Variants in IL1RAPL2 observed in about 807,000 individuals in gnomAD.
IL1RAPL2 encodes the protein interleukin 1 receptor accessory protein like 2.
A neutral mutation model predicts 44.1 loss-of-function variants in IL1RAPL2; 3 were observed. The observed-to-expected ratio is 0.07, with a 90% CI of 0.03 to 0.18. The LOEUF (loss-of-function observed/expected upper bound fraction) is 0.18. IL1RAPL2 is among the 10% of genes least tolerant of loss of function. The pLI is 1.00. For missense variants in IL1RAPL2, 391 were observed against 496.4 expected (o/e 0.79, Z 2.02); for synonymous variants, 181 against 178.8 (o/e 1.01, Z -0.10).
intron 1 of IL1RAPL2, among the ~76,000 whole-genome samples, chrX:104,576,943 T>C (rs1207794526): frequency 1.8e-5 from 2 of 111,992 alleles, no homozygotes; most frequent in Non-Finnish European, 3.8e-5. Context: ...ACCTTTTACA[T>C]GTACATATTC....
At chrX:104,940,419 C>A (rs999104490) in intron 2 of IL1RAPL2, among the ~76,000 whole-genome samples, 2 of 111,626 alleles carry the variant, frequency 1.8e-5, no homozygotes, top group Non-Finnish European at 3.8e-5. Context: ...TACCAGCATA[C>A]TTTCAAAAAG....
intron 2 of IL1RAPL2, among the ~76,000 whole-genome samples, chrX:105,094,736 T>G (rs2032585109): frequency 9.0e-6 from 1 of 111,698 alleles, no homozygotes; most frequent in Admixed American, 9.5e-5. Context: ...AGTTGGAATT[T>G]TGATAGGGAT....
At chrX:105,063,586 A>C (rs1320453325) in intron 2 of IL1RAPL2, among the ~76,000 whole-genome samples, 1 of 112,091 alleles carries the variant, frequency 8.9e-6, no homozygotes, top group African/African-American at 3.2e-5. Context: ...ACTGTCTTCT[A>C]TCCTTGTCAA....
intron 1 of IL1RAPL2, among the ~76,000 whole-genome samples, chrX:104,591,086 T>C (rs1928655407): frequency 1.8e-5 from 2 of 111,960 alleles, no homozygotes; most frequent in African/African-American, 6.5e-5. Flanking sequence ...CTTCAGGCTA[T>C]GGGGGCAAGT....
At chrX:105,432,129 C>CTTTTTTTTTTTTTT (rs386417369) in intron 5 of IL1RAPL2, among the ~76,000 whole-genome samples, 14 of 44,837 alleles carry the variant, frequency 3.1e-4, no homozygotes, top group Non-Finnish European at 4.0e-4. Flanking sequence ...TTCAATTTGC[C>CTTTTTTTTTTTTTT]TTTTTTTTTT....
chrX:105,762,633 G>T (rs1410980123), intron 10 of IL1RAPL2, among the ~76,000 whole-genome samples: 3 of 111,995 alleles, frequency 2.7e-5, no homozygotes, highest in African/African-American at 6.5e-5. Context: ...TGGTTTCGCA[G>T]ACTGGTCTAG....
intron 2 of IL1RAPL2, among the ~76,000 whole-genome samples, chrX:104,773,138 G>A (rs1259202013): frequency 9.0e-6 from 1 of 111,184 alleles, no homozygotes; most frequent in Admixed American, 9.6e-5. Context: ...TGAACTCTTG[G>A]GCTCAAGTAG....
At chrX:104,911,793 G>A (rs1924246433) in intron 2 of IL1RAPL2, among the ~76,000 whole-genome samples, 1 of 111,888 alleles carries the variant, frequency 8.9e-6, no homozygotes, top group Admixed American at 9.5e-5. Context: ...TCACTGCACT[G>A]TAGACATACT....
At chrX:105,605,580 C>A (rs2037287186) in intron 6 of IL1RAPL2, among the ~76,000 whole-genome samples, 1 of 111,557 alleles carries the variant, frequency 9.0e-6, no homozygotes, top group African/African-American at 3.2e-5. Context: ...AAGTTCTTCA[C>A]AGAAATATTT....
In IL1RAPL2 at chrX:104,855,681, G is replaced by GTTTTTTTTTTTTTTTTTTT. The variant is rs1556002120; in HGVS notation, c.82+196703_82+196704insTTTTTTTTTTTTTTTTTTT. Reference sequence around the variant, plus strand: ...TTAACTGTGCTAAGGATCTGGATCCGTTTTTTTTTTTTTTTTTACTGTATC... The same window carrying GTTTTTTTTTTTTTTTTTTT: ...TTAACTGTGCTAAGGATCTGGATCCGTTTTTTTTTTTTTTTTTTTTTTTTTTTTTTTTTTTTACTGTATC... On this transcript the variant is annotated intron_variant, in intron 2 of 10. Transcript: ENST00000372582. Among the ~76,000 whole-genome samples, 336 of 53,791 alleles carry GTTTTTTTTTTTTTTTTTTT rather than the reference G, an allele frequency of 6.2e-3. 34 individuals are homozygous for GTTTTTTTTTTTTTTTTTTT. Among genetic ancestry groups the GTTTTTTTTTTTTTTTTTTT allele is most frequent in the African/African-American group, 0.019 (320 of 16,455 alleles). The allele number at this position is 53,791 out of a possible 115,157, so 46.7% of individuals were successfully genotyped here.
intron 2 of IL1RAPL2, among the ~76,000 whole-genome samples, chrX:104,893,070 G>T (rs1923513466): frequency 1.8e-5 from 2 of 111,992 alleles, no homozygotes; most frequent in Non-Finnish European, 1.9e-5. Context: ...TCAGGAGCAG[G>T]TTGTTCAGTT....
intron 2 of IL1RAPL2, among the ~76,000 whole-genome samples, chrX:105,180,934 A>G (rs1556130486): frequency 9.0e-6 from 1 of 110,656 alleles, no homozygotes; most frequent in Non-Finnish European, 1.9e-5. Context: ...TATGTTTGAT[A>G]CAATTCAGCT....
chrX:105,390,632 A>G (rs1383216546), intron 5 of IL1RAPL2, among the ~76,000 whole-genome samples: 2 of 110,767 alleles, frequency 1.8e-5, no homozygotes, highest in African/African-American at 6.5e-5. Context: ...GCTTTATAAC[A>G]TAACATTCCC....
chrX:104,767,096 T>C (rs1231960151), intron 2 of IL1RAPL2, among the ~76,000 whole-genome samples: 1 of 111,928 alleles, frequency 8.9e-6, no homozygotes, highest in Non-Finnish European at 1.9e-5. Flanking sequence ...ATTCTCCACT[T>C]TTTTCCTGAA....
chrX:105,306,904 A>G (rs925310299), intron 5 of IL1RAPL2, among the ~76,000 whole-genome samples: 1 of 111,150 alleles, frequency 9.0e-6, no homozygotes, highest in East Asian at 2.8e-4. Context: ...GTTAACTTAT[A>G]AAGGAAAGTA....
intron 2 of IL1RAPL2, among the ~76,000 whole-genome samples, chrX:105,028,266 T>A (rs1310331695): frequency 9.0e-6 from 1 of 111,191 alleles, no homozygotes; most frequent in Non-Finnish European, 1.9e-5. Context: ...TACTATTTGA[T>A]AGCACAACAG....
chrX:104,801,307 T>C (rs1407600435), intron 2 of IL1RAPL2, among the ~76,000 whole-genome samples: 2 of 111,688 alleles, frequency 1.8e-5, no homozygotes, highest in Non-Finnish European at 3.8e-5. Flanking sequence ...TATTGCTGAA[T>C]AAGGTGCTGA....
intron 5 of IL1RAPL2, among the ~76,000 whole-genome samples, chrX:105,276,236 T>C (rs1448683253): frequency 9.0e-6 from 1 of 111,323 alleles, no homozygotes; most frequent in Non-Finnish European, 1.9e-5. Context: ...AGAAACCCCA[T>C]CTCTACTAAG....
chrX:105,183,926 A>G (rs1374086896), intron 2 of IL1RAPL2, among the ~76,000 whole-genome samples: 2 of 111,103 alleles, frequency 1.8e-5, no homozygotes, highest in Admixed American at 1.9e-4. Context: ...GTCTCAGGGG[A>G]TGTCTGGGAT....
Sources: gnomAD v4.1 joint callset for allele counts (sites outside exome capture counted in the v4.1 genomes callset) on GRCh38, gnomAD v4.1.1 for gene constraint, MANE v1.5 for transcripts, NCBI Gene and HGNC (gene_info 2026-07-23, HGNC 2026-07-21) for gene names.